Variants in TDRD3 observed in about 807,000 individuals in gnomAD.
TDRD3 encodes the protein tudor domain containing 3.
Under a neutral mutation model 86.7 loss-of-function variants are expected in TDRD3, and 45 were observed. The observed-to-expected ratio is 0.52, with a 90% CI of 0.41 to 0.67. The LOEUF is 0.67. Ranked by LOEUF, TDRD3 falls within the 30% of genes least tolerant of loss-of-function variation. The pLI is 0.00. For missense variants in TDRD3, 814 were observed against 889.0 expected (o/e 0.92, Z 1.07); for synonymous variants, 298 against 301.7 (o/e 0.99, Z 0.13).
chr13:60,421,782 G>T (rs1954667378), intron 1 of TDRD3, among the ~76,000 whole-genome samples: 1 of 152,186 alleles, frequency 6.6e-6, no homozygotes, highest in African/African-American at 2.4e-5. Flanking sequence ...TGTCCCACTT[G>T]TGGGGCTTTG....
At chr13:60,547,453 G>C in intron 12 of TDRD3, 1 of 979,624 alleles carries the variant, frequency 1.0e-6, no homozygotes, top group African/African-American at 1.7e-5. Context: ...ACCTGGGTTC[G>C]AGTCCTGGCT....
intron 12 of TDRD3, among the ~76,000 whole-genome samples, chr13:60,541,570 T>C (rs912422963): frequency 6.6e-6 from 1 of 151,946 alleles, no homozygotes; most frequent in Non-Finnish European, 1.5e-5. Context: ...TAACCTAAAG[T>C]ATGGACTTCT....
chr13:60,521,618 G>A lies in TDRD3; in HGVS notation c.1142-6749G>A, dbSNP rs182564329. On this transcript the variant is annotated intron_variant, in intron 10 of 13. Coordinates refer to ENST00000377881, the MANE Select transcript of TDRD3 (RefSeq NM_001146070.2). ...TGTTAAAAATGAAAGTGTATGGGCCGGGTGCGGTGGCTCACGCCTGTAATC... is the reference window on the plus strand; with the variant it reads ...TGTTAAAAATGAAAGTGTATGGGCCAGGTGCGGTGGCTCACGCCTGTAATC... Among the ~76,000 whole-genome samples, 208 of 152,216 alleles carry A rather than the reference G, an allele frequency of 1.4e-3. 1 individual carries two copies. Among genetic ancestry groups the A allele is most frequent in the Admixed American group, 3.7e-3 (56 of 15,290 alleles).
chr13:60,404,402 C>G (rs1335488488), intron 1 of TDRD3, among the ~76,000 whole-genome samples: 1 of 149,598 alleles, frequency 6.7e-6, no homozygotes, highest in Admixed American at 6.6e-5. Flanking sequence ...GCTCCGCCTC[C>G]CGGGTTCACG....
intron 1 of TDRD3, among the ~76,000 whole-genome samples, chr13:60,409,452 G>A (rs1954307866): frequency 6.6e-6 from 1 of 152,164 alleles, no homozygotes; most frequent in Admixed American, 6.5e-5. Context: ...AAAGCAGCTG[G>A]GAGGAAGGCT....
In TDRD3 at chr13:60,467,309, T is replaced by G; in HGVS notation, c.425T>G (p.Leu142Trp). The G allele has an allele frequency of 6.2e-7, 1 of 1,613,974 alleles. No individual in the cohort carries two copies. Among genetic ancestry groups the G allele is most frequent in the Non-Finnish European group, 8.5e-7 (1 of 1,179,890 alleles). ...GACATAAAAAATGGATTCCTGCTCT[T>G]GAATGACTCTAACACCACAGTTCTT... ...IVDIKNGFLL[L>W]NDSNTTVLGG... Residue 142 changes from leucine (L) to tryptophan (W), a missense_variant, in exon 5 of 14, where the codon TTG becomes TGG. Physicochemically the swap from Leu to Trp is moderately conservative, Grantham distance 61. Transcript: ENST00000377881.
rs1957389459 is a variant in TDRD3 at position 60,525,109 on chromosome 13, A to AAAAC, written c.1142-3258_1142-3257insAAAC. Among the ~76,000 whole-genome samples, 3 of 131,068 alleles carry AAAAC rather than the reference A, an allele frequency of 2.3e-5. No individual in the cohort carries two copies. The South Asian group carries it at 7.4e-4, about 32-fold the overall frequency. The allele number at this position is 131,068 out of a possible 152,430, so 86.0% of individuals were successfully genotyped here. On this transcript the variant is annotated intron_variant, in intron 10 of 13. Coordinates refer to ENST00000377881, the MANE Select transcript of TDRD3 (RefSeq NM_001146070.2). ...CTCAAAAAAAAAAAAAAAAAAAAAA[A>AAAAC]CCCCACAATTTTCACTTTCTACCTC... is the stretch of plus-strand genomic sequence containing the variant.
chr13:60,532,939 A>C (rs1445739529), intron 11 of TDRD3, among the ~76,000 whole-genome samples: 1 of 152,138 alleles, frequency 6.6e-6, no homozygotes, highest in Non-Finnish European at 1.5e-5. Context: ...ATCCCAATAA[A>C]CCCATCATAA....
intron 12 of TDRD3, among the ~76,000 whole-genome samples, chr13:60,545,303 C>T (rs965530737): frequency 3.9e-5 from 6 of 152,042 alleles, no homozygotes; most frequent in African/African-American, 9.7e-5. Context: ...GGAAGTAATT[C>T]GGGAAGCCCA....
intron 12 of TDRD3, among the ~76,000 whole-genome samples, chr13:60,540,591 AACGGAATATTATGAAAAACTTGAGGT>A (rs1398803497): frequency 6.6e-6 from 1 of 152,174 alleles, no homozygotes; most frequent in African/African-American, 2.4e-5. Context: ...AGCTAAGCCT[AACGGAATATTATGAAAAACTTGAGGT>A]TTAGTTTTGA....
At chr13:60,483,914 G>C (rs1481360150) in intron 6 of TDRD3, 68 bp downstream of exon 6, 2 of 1,454,228 alleles carry the variant, frequency 1.4e-6, no homozygotes, top group East Asian at 4.6e-5. Context: ...CATTCAAGCT[G>C]TGTTTCATTA....
intron 8 of TDRD3, among the ~76,000 whole-genome samples, chr13:60,501,399 T>C (rs564610870): frequency 6.6e-6 from 1 of 152,350 alleles, no homozygotes; most frequent in South Asian, 2.1e-4. Flanking sequence ...TCCGATGGGT[T>C]GTAATACTGG....
At chr13:60,565,041 CTTTTTTTTTTTT>C (rs869194148) in intron 12 of TDRD3, among the ~76,000 whole-genome samples, 22 of 70,880 alleles carry the variant, frequency 3.1e-4, no homozygotes, top group African/African-American at 6.2e-4. Context: ...CTATCAGTAT[CTTTTTTTTTTTT>C]TTTTTTTTTT....
intron 1 of TDRD3, among the ~76,000 whole-genome samples, chr13:60,406,269 A>G (rs1342943214): frequency 1.3e-5 from 2 of 152,196 alleles, no homozygotes; most frequent in Non-Finnish European, 2.9e-5. Context: ...GGTATGGTGG[A>G]CATTAGACAA....
intron 13 of TDRD3, among the ~76,000 whole-genome samples, chr13:60,570,417 A>T (rs1040317014): frequency 6.6e-6 from 1 of 152,184 alleles, no homozygotes; most frequent in South Asian, 2.1e-4. Flanking sequence ...AATGAATGCT[A>T]GCAAGGATGT....
intron 1 of TDRD3, among the ~76,000 whole-genome samples, chr13:60,416,850 C>T (rs1954529638): frequency 6.6e-6 from 1 of 152,108 alleles, no homozygotes. Context: ...CTGTTCTCCT[C>T]ATCTTGTTCT....
At chr13:60,497,973 A>G (rs1003157749) in intron 8 of TDRD3, among the ~76,000 whole-genome samples, 2 of 151,916 alleles carry the variant, frequency 1.3e-5, no homozygotes, top group African/African-American at 2.4e-5. Flanking sequence ...TGCATTTAAT[A>G]TTGCAGCTCG....
chr13:60,494,633 A>T, intron 8 of TDRD3, 58 bp downstream of exon 8: 1 of 1,532,648 alleles, frequency 6.5e-7, no homozygotes, highest in Non-Finnish European at 8.9e-7. Context: ...TGATTCTTTT[A>T]TTCTTTCTTA....
At chr13:60,533,174 C>A (rs1010463604) in intron 11 of TDRD3, among the ~76,000 whole-genome samples, 2 of 152,144 alleles carry the variant, frequency 1.3e-5, no homozygotes, top group African/African-American at 4.8e-5. Flanking sequence ...TCTAAACTTG[C>A]TAACATTCAG....
Sources: allele counts gnomAD v4.1 joint callset (sites outside exome capture counted in the v4.1 genomes callset), GRCh38; gene constraint gnomAD v4.1.1; transcripts MANE v1.5; gene names NCBI Gene and HGNC (gene_info 2026-07-23, HGNC 2026-07-21).